The following IMMP2L variants were observed in gnomAD, a reference collection of about 807,000 sequenced individuals.
The protein encoded by IMMP2L is mitochondrial inner membrane protease subunit 2.
Under a neutral mutation model 19.3 loss-of-function variants are expected in IMMP2L, and 18 were observed. That is an observed-to-expected ratio of 0.93 (90% confidence interval 0.64 to 1.38). The LOEUF is 1.38. IMMP2L is among the 40% of genes most tolerant of loss of function. The pLI is 0.00. For synonymous variants in IMMP2L, 76 were observed against 73.0 expected (o/e 1.04, Z -0.21); for missense variants, 233 against 218.2 (o/e 1.07, Z -0.43).
At position 111,521,488 on chromosome 7, in the gene IMMP2L, A is replaced by G. The variant is rs767311353; in HGVS notation, c.-2-39T>C. On this transcript the variant is annotated intron_variant, in intron 1 of 5. Transcript: ENST00000405709. ...GAAAACAACTATGAAATTAGTCTCA[A>G]GAAAGGTGAAAAACAAAGACATAAA... 4 of 1,557,458 alleles carry G rather than the reference A, an allele frequency of 2.6e-6. No individual in the cohort carries two copies. In the African/African-American group the frequency reaches 4.2e-5, roughly 16 times the overall value.
intron 5 of IMMP2L, among the ~76,000 whole-genome samples, chr7:110,882,333 C>CTTCCT (rs1809755930): frequency 6.9e-6 from 1 of 145,486 alleles, no homozygotes; most frequent in African/African-American, 2.5e-5. Context: ...TCCTTCCTTC[C>CTTCCT]TTCCTTCCCT....
chr7:111,446,641 A>G lies in IMMP2L; in HGVS notation c.239+40597T>C, dbSNP rs552080600. Among the ~76,000 whole-genome samples the G allele has an allele frequency of 4.6e-4, 70 of 152,278 alleles. 1 individual carries two copies. Among genetic ancestry groups the G allele is most frequent in the African/African-American group, 1.2e-3 (49 of 41,544 alleles). On this transcript the variant is annotated intron_variant, in intron 3 of 5. Transcript: ENST00000405709. ...ACAGAAAAACTGGAAACTCTAAAAC[A>G]CAGAGCGCCTCTCCTCCTCCAAAGG...
At chr7:110,886,102 T>C (rs570188710) in intron 5 of IMMP2L, among the ~76,000 whole-genome samples, 14 of 152,180 alleles carry the variant, frequency 9.2e-5, no homozygotes, top group African/African-American at 3.4e-4. Flanking sequence ...CTGTCTTATG[T>C]CAAATTAATT....
chr7:110,982,011 T>C (rs2129558185), intron 3 of IMMP2L, among the ~76,000 whole-genome samples: 1 of 152,300 alleles, frequency 6.6e-6, no homozygotes, highest in East Asian at 1.9e-4. Flanking sequence ...TAGTAGGGCA[T>C]TTTATTAGGA....
chr7:111,020,738 G>A (rs938444676), intron 3 of IMMP2L, among the ~76,000 whole-genome samples: 1 of 151,654 alleles, frequency 6.6e-6, no homozygotes, highest in African/African-American at 2.4e-5. Flanking sequence ...CACCAGCCTG[G>A]GCAACAGAAT....
intron 3 of IMMP2L, among the ~76,000 whole-genome samples, chr7:111,420,876 T>C (rs755366196): frequency 2.0e-5 from 3 of 151,878 alleles, no homozygotes; most frequent in Non-Finnish European, 4.4e-5. Context: ...TACGTGTGCA[T>C]GTGCCTTTAT....
chr7:111,339,316 G>A (rs1229589207), intron 3 of IMMP2L, among the ~76,000 whole-genome samples: 1 of 151,506 alleles, frequency 6.6e-6, no homozygotes, highest in African/African-American at 2.4e-5. Flanking sequence ...CTAAGTAAAG[G>A]GAAGATAGTT....
At chr7:110,831,412 A>AT (rs1327384984) in intron 5 of IMMP2L, among the ~76,000 whole-genome samples, 2 of 152,160 alleles carry the variant, frequency 1.3e-5, no homozygotes, top group African/African-American at 4.8e-5. Context: ...GTCCCTTCAC[A>AT]TAAGTATCTG....
chr7:111,016,802 ATATATAC>A (rs1825667762), intron 3 of IMMP2L, among the ~76,000 whole-genome samples: 4 of 51,108 alleles, frequency 7.8e-5, no homozygotes, highest in African/African-American at 2.2e-4. Context: ...ATAATATATA[ATATATAC>A]TATATATTAT....
intron 3 of IMMP2L, among the ~76,000 whole-genome samples, chr7:111,454,233 A>G (rs554587693): frequency 2.2e-4 from 34 of 152,250 alleles, no homozygotes; most frequent in African/African-American, 7.9e-4. Context: ...GAAGGTCTCA[A>G]GTAATCCTCC....
intron 3 of IMMP2L, among the ~76,000 whole-genome samples, chr7:111,138,165 T>C (rs536120594): frequency 1.5e-4 from 23 of 152,280 alleles, no homozygotes; most frequent in African/African-American, 5.3e-4. Context: ...TACTTTAAAA[T>C]ACAAAAAGGT....
At chr7:111,330,379 T>C (rs1825755913) in intron 3 of IMMP2L, among the ~76,000 whole-genome samples, 1 of 151,724 alleles carries the variant, frequency 6.6e-6, no homozygotes, top group Non-Finnish European at 1.5e-5. Flanking sequence ...AATTTATATA[T>C]AAATGGAATT....
intron 3 of IMMP2L, among the ~76,000 whole-genome samples, chr7:111,046,233 T>A (rs967815069): frequency 6.6e-6 from 1 of 151,906 alleles, no homozygotes; most frequent in Non-Finnish European, 1.5e-5. Context: ...TTAAATAAAC[T>A]GTAGACTTAC....
At chr7:110,722,461 C>A (rs1159292145) in intron 5 of IMMP2L, among the ~76,000 whole-genome samples, 1 of 151,914 alleles carries the variant, frequency 6.6e-6, no homozygotes, top group Non-Finnish European at 1.5e-5. Context: ...GATTCAAAAC[C>A]CATCTAATGT....
At chr7:111,330,353 A>G (rs1388761440) in intron 3 of IMMP2L, among the ~76,000 whole-genome samples, 1 of 151,824 alleles carries the variant, frequency 6.6e-6, no homozygotes, top group Non-Finnish European at 1.5e-5. Flanking sequence ...AATGGAAGAC[A>G]GGAAAAAGAA....
chr7:110,669,339 G>A (rs1791729914), intron 5 of IMMP2L, among the ~76,000 whole-genome samples: 1 of 152,026 alleles, frequency 6.6e-6, no homozygotes, highest in African/African-American at 2.4e-5. Context: ...TCTTACTCAG[G>A]GGAAGTCATC....
intron 5 of IMMP2L, among the ~76,000 whole-genome samples, chr7:110,679,413 G>C (rs1792541968): frequency 6.6e-6 from 1 of 152,142 alleles, no homozygotes; most frequent in African/African-American, 2.4e-5. Flanking sequence ...TTGTTTGCTT[G>C]TTTTCCTTCT....
chr7:110,887,885 C>G (rs10487296), intron 4 of IMMP2L, among the ~76,000 whole-genome samples: 6,077 of 152,116 alleles, frequency 0.04, 141 homozygotes, highest in Middle Eastern at 0.065. Flanking sequence ...GCTTGGCATA[C>G]ATACTGTTCT....
At chr7:110,863,591 G>A (rs1276708172) in intron 5 of IMMP2L, among the ~76,000 whole-genome samples, 1 of 152,072 alleles carries the variant, frequency 6.6e-6, no homozygotes, top group African/African-American at 2.4e-5. Context: ...TCAAGATGGT[G>A]GCACTCTCTC....
Sources: gnomAD v4.1 joint callset for allele counts (sites outside exome capture counted in the v4.1 genomes callset) on GRCh38, gnomAD v4.1.1 for gene constraint, MANE v1.5 for transcripts, NCBI Gene and HGNC (gene_info 2026-07-23, HGNC 2026-07-21) for gene names.